The following ZNF708 variants were observed in gnomAD, a reference collection of about 807,000 sequenced individuals.
The protein encoded by ZNF708 is zinc finger protein 708, also known as ZNF15, ZNF15L1.
In ZNF708, 44 loss-of-function variants were observed where a neutral mutation model predicts 47.0. The observed-to-expected ratio is 0.94, with a 90% CI of 0.74 to 1.20. ZNF708 has a LOEUF of 1.20. ZNF708 is among the 50% of genes most tolerant of loss of function. ZNF708 has a pLI of 0.00. For synonymous variants in ZNF708, 184 were observed against 218.5 expected, an observed-to-expected ratio of 0.84 and a Z score of 1.39; for missense variants, 557 against 656.0, an observed-to-expected ratio of 0.85 and a Z score of 1.65.
intron 3 of ZNF708, among the ~76,000 whole-genome samples, chr19:21,304,850 G>C (rs974479279): frequency 1.3e-5 from 2 of 152,072 alleles, no homozygotes; most frequent in Admixed American, 6.6e-5. Context: ...TACAGCCTGG[G>C]CAACAGAGTA....
At chr19:21,312,280 C>A (rs967731312) in intron 1 of ZNF708, among the ~76,000 whole-genome samples, 1 of 128,342 alleles carries the variant, frequency 7.8e-6, no homozygotes. Flanking sequence ...GGTGACAGAG[C>A]GACACTCCAT....
intron 2 of ZNF708, 21 bp downstream of exon 2, chr19:21,310,480 A>G: frequency 7.8e-7 from 1 of 1,288,474 alleles, no homozygotes; most frequent in Non-Finnish European, 1.0e-6. Context: ...AAAAATTAAA[A>G]AAAAAAAAAC....
intron 1 of ZNF708, among the ~76,000 whole-genome samples, chr19:21,313,878 A>T (rs1972953362): frequency 6.6e-6 from 1 of 152,048 alleles, no homozygotes; most frequent in African/African-American, 2.4e-5. Flanking sequence ...CTTTTTTGTG[A>T]CTTGTGGAAC....
chr19:21,310,289 A>G (rs1972869418), intron 2 of ZNF708, among the ~76,000 whole-genome samples: 1 of 151,668 alleles, frequency 6.6e-6, no homozygotes, highest in Admixed American at 6.6e-5. Context: ...TACTAAAAAT[A>G]CAAAAATTAG....
chr19:21,309,180 G>C, intron 3 of ZNF708, 66 bp downstream of exon 3: 1 of 1,391,746 alleles, frequency 7.2e-7, no homozygotes, highest in East Asian at 2.8e-5. Context: ...AAATTTTAAG[G>C]ACTGGTTTTC....
Position 21,294,305 on chromosome 19 carries a change from C to T in ZNF708, c.661G>A (p.Glu221Lys). The change falls in exon 4 of 4, where the codon GAG (glutamate) becomes AAG (lysine). Residue 221 changes from glutamate (E) to lysine (K), a missense_variant. Coordinates refer to ENST00000356929, the MANE Select transcript of ZNF708 (RefSeq NM_021269.3). ...CATTCTTCACATTTGTAGGGTTTCT[C>T]TCCAGTATGAATTATCTTATGATTC... is the stretch of plus-strand genomic sequence containing the variant. ...LTNHKIIHTG[E>K]KPYKCEECGK... The T allele has an allele frequency of 6.2e-7, 1 of 1,612,928 alleles. No homozygotes were observed. The highest frequency in any genetic ancestry group is 8.5e-7 in the Non-Finnish European group (1 of 1,179,756).
rs762969191 is a variant in ZNF708, at chr19:21,294,397, T to C, written c.569A>G (p.His190Arg). 1.3e-5 allele frequency: 21 copies of C among 1,614,010 alleles called. No individual in the cohort carries two copies. The highest frequency in any genetic ancestry group is 1.5e-5 in the Non-Finnish European group (18 of 1,179,986). The change falls in exon 4 of 4, where the codon CAT (histidine) becomes CGT (arginine). Residue 190 changes from histidine (H) to arginine (R), a missense_variant. Coordinates refer to ENST00000356929, the MANE Select transcript of ZNF708 (RefSeq NM_021269.3). ...LSQLTQHEII[H>R]TGEKPYKCEE... ...ACATTTGTAGGGTTTTTCTCCAGTA[T>C]GAATTATCTCATGTTGAGTTAGTTG...
chr19:21,323,650 G>T (rs1210608563), intron 1 of ZNF708, among the ~76,000 whole-genome samples: 2 of 152,140 alleles, frequency 1.3e-5, no homozygotes, highest in African/African-American at 2.4e-5. Flanking sequence ...TCTATAAACT[G>T]CCTCAAAACA....
intron 1 of ZNF708, among the ~76,000 whole-genome samples, chr19:21,316,628 C>T (rs1268920587): frequency 6.6e-6 from 1 of 152,132 alleles, no homozygotes; most frequent in Admixed American, 6.5e-5. Flanking sequence ...TTTTGGGCCC[C>T]ATGGTCTCTG....
intron 3 of ZNF708, among the ~76,000 whole-genome samples, chr19:21,298,200 G>C (rs1421676235): frequency 2.6e-5 from 4 of 151,612 alleles, no homozygotes; most frequent in Admixed American, 1.3e-4. Flanking sequence ...CAGAGGTATA[G>C]AGAGCTGAAC....
chr19:21,328,111 C>T, intron 1 of ZNF708: 1 of 595,870 alleles, frequency 1.7e-6, no homozygotes, highest in Non-Finnish European at 2.1e-6. Context: ...AGACACATCA[C>T]TCCGTAAAGT....
chr19:21,313,530 C>T (rs575222135), intron 1 of ZNF708, among the ~76,000 whole-genome samples: 13 of 152,024 alleles, frequency 8.6e-5, no homozygotes, highest in African/African-American at 2.4e-4. Flanking sequence ...GAGGCCCAGG[C>T]GGGCAGATCA....
In ZNF708 at chr19:21,293,996, T is replaced by C; in HGVS notation, c.970A>G (p.Thr324Ala). 6.2e-7 allele frequency: 1 copy of C among 1,613,160 alleles called. No homozygotes were observed. Among genetic ancestry groups the C allele is most frequent in the Non-Finnish European group, 8.5e-7 (1 of 1,179,416 alleles). The change falls in exon 4 of 4, where the codon ACT (threonine) becomes GCT (alanine). Residue 324 changes from threonine (T) to alanine (A), a missense_variant. Transcript: ENST00000356929. Reference sequence around the variant, plus strand: ...CCAGTATGAATCCTCTTATGTGTAGTAAGGTGTGAAGATAGGGTAAAGGCT... The same window carrying C: ...CCAGTATGAATCCTCTTATGTGTAGCAAGGTGTGAAGATAGGGTAAAGGCT... ...GKAFTLSSHLTTHKRIHTGEK... is the reference protein window; with the variant it reads ...GKAFTLSSHLATHKRIHTGEK...
At chr19:21,313,490 T>A (rs887649928) in intron 1 of ZNF708, among the ~76,000 whole-genome samples, 1 of 151,860 alleles carries the variant, frequency 6.6e-6, no homozygotes, top group Non-Finnish European at 1.5e-5. Flanking sequence ...CCAGGCGCGG[T>A]GGTTCATGCT....
intron 3 of ZNF708, among the ~76,000 whole-genome samples, chr19:21,297,633 A>G: frequency 6.6e-6 from 1 of 151,936 alleles, no homozygotes. Context: ...AATTATTTAA[A>G]TATATATAAA....
At chr19:21,297,602 A>C in intron 3 of ZNF708, among the ~76,000 whole-genome samples, 1 of 151,390 alleles carries the variant, frequency 6.6e-6, no homozygotes, top group Non-Finnish European at 1.5e-5. Flanking sequence ...TAATAAAATT[A>C]CATTAGTTAC....
intron 1 of ZNF708, among the ~76,000 whole-genome samples, chr19:21,324,869 C>T (rs1973225127): frequency 6.6e-6 from 1 of 152,110 alleles, no homozygotes; most frequent in Admixed American, 6.6e-5. Flanking sequence ...AAAAGAGGAG[C>T]TGATGCTTTC....
At position 21,294,408 on chromosome 19, in the gene ZNF708, A is replaced by G. The variant is rs760861277; in HGVS notation, c.558T>C (p.His186=). The G allele has an allele frequency of 3.0e-5, 48 of 1,606,898 alleles. No homozygotes were observed. The Admixed American group carries it at 7.8e-4, about 26-fold the overall frequency. ...SFCMLSQLTQ[H]EIIHTGEKPY... The stretch of plus-strand genomic sequence containing the variant: ...GTTTTTCTCCAGTATGAATTATCTC[A>G]TGTTGAGTTAGTTGTGAAAGCATGC... The change falls in exon 4 of 4, where the codon CAT becomes CAC. Residue 186 remains histidine (H), a synonymous_variant. Coordinates refer to ENST00000356929, the MANE Select transcript of ZNF708 (RefSeq NM_021269.3).
chr19:21,299,579 C>T (rs1164940410), intron 3 of ZNF708, among the ~76,000 whole-genome samples: 1 of 151,594 alleles, frequency 6.6e-6, no homozygotes, highest in Non-Finnish European at 1.5e-5. Context: ...GGTGAAACCC[C>T]ATCTCTACTA....
Sources: allele counts gnomAD v4.1 joint callset (sites outside exome capture counted in the v4.1 genomes callset), GRCh38; gene constraint gnomAD v4.1.1; transcripts MANE v1.5; gene names NCBI Gene and HGNC (gene_info 2026-07-23, HGNC 2026-07-21).